The following MDGA2 variants were observed in gnomAD, a reference collection of about 807,000 sequenced individuals.
MDGA2 encodes MAM domain containing glycosylphosphatidylinositol anchor 2, also known as MAM domain-containing glycosylphosphatidylinositol anchor protein 2.
MDGA2 carries 40 observed loss-of-function variants against 117.8 expected under a neutral mutation model. That is an observed-to-expected ratio of 0.34 (90% CI 0.26 to 0.44). The LOEUF (loss-of-function observed/expected upper bound fraction) is 0.44. Among genes scored for constraint, MDGA2 ranks in the 20% least tolerant of loss-of-function variants. The pLI is 1.00. For synonymous variants in MDGA2, 452 were observed against 439.0 expected (o/e 1.03, Z -0.37); for missense variants, 1,123 against 1,250.6 (o/e 0.90, Z 1.54).
At chr14:47,044,132 T>C (rs1889173858) in intron 7 of MDGA2, among the ~76,000 whole-genome samples, 1 of 151,916 alleles carries the variant, frequency 6.6e-6, no homozygotes, top group South Asian at 2.1e-4. Context: ...CAAATCAAGG[T>C]TACTAAGCAA....
intron 7 of MDGA2, among the ~76,000 whole-genome samples, chr14:47,054,015 G>A (rs1216614848): frequency 6.6e-6 from 1 of 151,948 alleles, no homozygotes; most frequent in African/African-American, 2.4e-5. Flanking sequence ...TAGTCTGCCT[G>A]ATATCAATCA....
chr14:47,295,201 T>C (rs966475902), intron 2 of MDGA2, among the ~76,000 whole-genome samples: 1 of 152,192 alleles, frequency 6.6e-6, no homozygotes, highest in Non-Finnish European at 1.5e-5. Flanking sequence ...AAAGCAGAGC[T>C]GCTTTGATTG....
chr14:47,566,644 C>G (rs1160511847), intron 1 of MDGA2, among the ~76,000 whole-genome samples: 1 of 152,134 alleles, frequency 6.6e-6, no homozygotes, highest in Non-Finnish European at 1.5e-5. Context: ...TTCCAGAGGT[C>G]TGTGCATGAG....
intron 8 of MDGA2, among the ~76,000 whole-genome samples, chr14:46,960,779 A>G (rs2138273874): frequency 6.8e-6 from 1 of 147,704 alleles, no homozygotes; most frequent in African/African-American, 2.5e-5. Flanking sequence ...TTGTGTACAT[A>G]TTATACATAT....
chr14:47,574,202 T>C (rs948824046), intron 1 of MDGA2, among the ~76,000 whole-genome samples: 3 of 152,196 alleles, frequency 2.0e-5, no homozygotes, highest in African/African-American at 7.2e-5. Context: ...CAAACACTAT[T>C]GTCCTTGCTG....
intron 6 of MDGA2, among the ~76,000 whole-genome samples, chr14:47,095,702 T>C (rs1417633954): frequency 6.6e-6 from 1 of 152,042 alleles, no homozygotes; most frequent in Non-Finnish European, 1.5e-5. Context: ...CTATTCATAG[T>C]GTTTTGATTT....
At chr14:46,934,472 T>C (rs1884705921) in intron 9 of MDGA2, among the ~76,000 whole-genome samples, 1 of 152,146 alleles carries the variant, frequency 6.6e-6, no homozygotes, top group African/African-American at 2.4e-5. Flanking sequence ...ATTTCTTGGC[T>C]TGAACTGCAA....
intron 3 of MDGA2, among the ~76,000 whole-genome samples, chr14:47,188,405 T>C (rs1297614241): frequency 6.6e-6 from 1 of 152,196 alleles, no homozygotes. Flanking sequence ...CTGATATTTC[T>C]GGCAAACAGG....
rs570477095 is a variant in MDGA2, at chr14:47,333,650, C to A, written c.281-32100G>T. 4.7e-3 allele frequency among the ~76,000 whole-genome samples: 714 copies of A among 151,838 alleles called. 3 individuals are homozygous for A. Among genetic ancestry groups the A allele is most frequent in the Non-Finnish European group, 8.2e-3 (554 of 67,816 alleles). On this transcript the variant is annotated intron_variant, in intron 1 of 16. Transcript: ENST00000399232. ...GTTCCACTATCAACAATAGGCCACA[C>A]AACACAAATAAGTCTTTCTCCTTTA...
chr14:46,840,818 A>T lies in MDGA2; in HGVS notation c.*1113T>A, dbSNP rs995949426. ...ACCTTTTGCTCTGGTTGACCCATTT[A>T]ATAACCTGGAAGAAAAAAAGTGTTG... On this transcript the variant is annotated 3_prime_UTR_variant, in exon 17 of 17. Coordinates refer to ENST00000399232, the MANE Select transcript of MDGA2 (RefSeq NM_001113498.3). The T allele has an allele frequency of 1.3e-5, 2 of 152,580 alleles. No individual in the cohort carries two copies. Among genetic ancestry groups the T allele is most frequent in the African/African-American group, 4.8e-5 (2 of 41,450 alleles). The allele number at this position is 152,580 out of a possible 1,614,324, so 9.5% of individuals were successfully genotyped here.
chr14:47,529,359 G>C (rs2138728488), intron 1 of MDGA2, among the ~76,000 whole-genome samples: 1 of 152,138 alleles, frequency 6.6e-6, no homozygotes, highest in East Asian at 1.9e-4. Flanking sequence ...AATTTTGTGA[G>C]TACATAGCAG....
intron 5 of MDGA2, among the ~76,000 whole-genome samples, chr14:47,121,658 A>C (rs1182239508): frequency 6.6e-6 from 1 of 152,094 alleles, no homozygotes; most frequent in Non-Finnish European, 1.5e-5. Context: ...ACTATTTGCC[A>C]GTTACTATAA....
intron 1 of MDGA2, among the ~76,000 whole-genome samples, chr14:47,479,948 G>C (rs1478396510): frequency 6.6e-6 from 1 of 151,930 alleles, no homozygotes; most frequent in African/African-American, 2.4e-5. Context: ...CCACTGTATA[G>C]GTTCACATCT....
At chr14:47,053,880 C>T (rs61992838) in intron 7 of MDGA2, among the ~76,000 whole-genome samples, 30,013 of 151,468 alleles carry the variant, frequency 0.2, 3,030 homozygotes, top group Admixed American at 0.29. Flanking sequence ...GCCATTAAAA[C>T]ACTATTTGGA....
intron 1 of MDGA2, among the ~76,000 whole-genome samples, chr14:47,510,278 C>G (rs1894611181): frequency 6.6e-6 from 1 of 152,162 alleles, no homozygotes; most frequent in Non-Finnish European, 1.5e-5. Flanking sequence ...ACCTTGATTT[C>G]AAGCCTGCAG....
Position 47,594,147 on chromosome 14 carries a change from G to A in MDGA2, c.280+80370C>T, listed in dbSNP as rs188746995. 3.9e-5 allele frequency among the ~76,000 whole-genome samples: 6 copies of A among 152,198 alleles called. No homozygotes were observed. In the South Asian group the frequency reaches 6.2e-4, roughly 16 times the overall value. On this transcript the variant is annotated intron_variant, in intron 1 of 16. Transcript: ENST00000399232. Reference sequence around the variant, plus strand: ...AGCATAGAGTGAAGCAATAGTCCTCGTACAAAGTATAATTAATTCCTAAAT... The same window carrying A: ...AGCATAGAGTGAAGCAATAGTCCTCATACAAAGTATAATTAATTCCTAAAT...
rs151313215 is a variant in MDGA2 at position 47,068,309 on chromosome 14, ATTC to A, written c.1196-6734_1196-6732del. Among the ~76,000 whole-genome samples the A allele has an allele frequency of 3.9e-3, 585 of 151,774 alleles. 6 individuals are homozygous for A. The highest frequency in any genetic ancestry group is 0.013 in the African/African-American group (554 of 41,426). The stretch of plus-strand genomic sequence containing the variant: ...GCACAATGTACTCTTTTTGGGGTAA[ATTC>A]TTCTTAAGAAGGGGGAAAAAGTGAA... On this transcript the variant is annotated intron_variant, in intron 6 of 16. Coordinates refer to ENST00000399232, the MANE Select transcript of MDGA2 (RefSeq NM_001113498.3).
intron 1 of MDGA2, among the ~76,000 whole-genome samples, chr14:47,639,612 A>G (rs1254740441): frequency 6.6e-6 from 1 of 152,184 alleles, no homozygotes; most frequent in Non-Finnish European, 1.5e-5. Context: ...TTAGATTTCA[A>G]ATAAAAAATG....
At chr14:47,420,879 T>A (rs1050768670) in intron 1 of MDGA2, among the ~76,000 whole-genome samples, 8 of 152,038 alleles carry the variant, frequency 5.3e-5, no homozygotes, top group African/African-American at 1.7e-4. Flanking sequence ...ATTTCCTCTA[T>A]CAGGAAGAGC....
Sources: gnomAD v4.1 joint callset for allele counts (sites outside exome capture counted in the v4.1 genomes callset) on GRCh38, gnomAD v4.1.1 for gene constraint, MANE v1.5 for transcripts, NCBI Gene and HGNC (gene_info 2026-07-23, HGNC 2026-07-21) for gene names.